PTPRT: variants seen among roughly 807,000 people sequenced by gnomAD.
The protein encoded by PTPRT is receptor-type tyrosine-protein phosphatase T.
PTPRT carries 56 observed loss-of-function variants against 176.8 expected under a neutral mutation model. That is an observed-to-expected ratio of 0.32 (90% CI 0.26 to 0.40). PTPRT has a LOEUF of 0.40. Among genes scored for constraint, PTPRT ranks in the 10% least tolerant of loss-of-function variants. The pLI is 1.00. For missense variants in PTPRT, 1,540 were observed against 1,908.2 expected (o/e 0.81, Z 3.60); for synonymous variants, 783 against 739.0 (o/e 1.06, Z -0.96).
At chr20:42,868,891 T>C (rs2145817341) in intron 2 of PTPRT, among the ~76,000 whole-genome samples, 1 of 152,252 alleles carries the variant, frequency 6.6e-6, no homozygotes, top group Middle Eastern at 3.4e-3. Context: ...AAGTCTCTGC[T>C]TACTGAATTC....
At chr20:43,180,369 C>CTCTCTCTCTT (rs1208040640) in intron 1 of PTPRT, among the ~76,000 whole-genome samples, 10 of 151,356 alleles carry the variant, frequency 6.6e-5, no homozygotes, top group Middle Eastern at 3.4e-3. Flanking sequence ...CTCTCTCTCT[C>CTCTCTCTCTT]TCTGCCCCCA....
At chr20:42,336,357 T>C (rs1266341630) in intron 11 of PTPRT, among the ~76,000 whole-genome samples, 3 of 152,118 alleles carry the variant, frequency 2.0e-5, no homozygotes, top group South Asian at 2.1e-4. Context: ...GCACATTATG[T>C]AGTGACATTG....
chr20:42,634,951 T>C (rs1035438654), intron 7 of PTPRT, among the ~76,000 whole-genome samples: 1 of 152,110 alleles, frequency 6.6e-6, no homozygotes, highest in Non-Finnish European at 1.5e-5. Flanking sequence ...TTCTTACTTA[T>C]CTTTGAATCC....
chr20:42,813,759 T>A (rs1464568302), intron 2 of PTPRT, among the ~76,000 whole-genome samples: 1 of 152,164 alleles, frequency 6.6e-6, no homozygotes, highest in Non-Finnish European at 1.5e-5. Flanking sequence ...TATTTGGTCA[T>A]TCTTAGATTA....
intron 15 of PTPRT, among the ~76,000 whole-genome samples, chr20:42,212,857 C>T (rs2055677901): frequency 6.6e-6 from 1 of 152,112 alleles, no homozygotes; most frequent in African/African-American, 2.4e-5. Flanking sequence ...GAAGTGGATG[C>T]CCTGGATAAT....
At chr20:42,479,353 C>A (rs1601100101) in intron 7 of PTPRT, among the ~76,000 whole-genome samples, 1 of 152,164 alleles carries the variant, frequency 6.6e-6, no homozygotes, top group Admixed American at 6.5e-5. Flanking sequence ...TTTGGAGATG[C>A]AATTTGAGTT....
intron 1 of PTPRT, among the ~76,000 whole-genome samples, chr20:43,051,544 ACT>A (rs1987040581): frequency 6.7e-6 from 1 of 148,222 alleles, no homozygotes; most frequent in African/African-American, 2.5e-5. Context: ...TCTATTTAAA[ACT>A]CTGCTCCAAT....
At chr20:42,772,621 G>C (rs1293010629) in intron 4 of PTPRT, among the ~76,000 whole-genome samples, 2 of 151,976 alleles carry the variant, frequency 1.3e-5, no homozygotes, top group East Asian at 1.9e-4. Flanking sequence ...TAGAAGAATT[G>C]GTTTCTTCAT....
chr20:42,914,253 T>C (rs1388217508), intron 1 of PTPRT, among the ~76,000 whole-genome samples: 1 of 152,206 alleles, frequency 6.6e-6, no homozygotes, highest in Admixed American at 6.5e-5. Flanking sequence ...GGGTGGTATC[T>C]TTTCCAGTTC....
At chr20:42,246,317 C>T (rs575526324) in intron 14 of PTPRT, among the ~76,000 whole-genome samples, 47 of 152,122 alleles carry the variant, frequency 3.1e-4, no homozygotes, top group South Asian at 8.3e-4. Flanking sequence ...CTCCTCCTAC[C>T]CTCCCCTCCC....
At chr20:42,786,913 T>C (rs2077299182) in intron 3 of PTPRT, among the ~76,000 whole-genome samples, 1 of 152,218 alleles carries the variant, frequency 6.6e-6, no homozygotes, top group South Asian at 2.1e-4. Flanking sequence ...TATGCAACTC[T>C]GGACATCATC....
the PTPRT span, chr20:42,063,639 C>A: frequency 3.3e-5 from 5 of 152,166 alleles, no homozygotes. Flanking sequence ...CCTCTAGTTG[C>A]ATATTCTTAA....
chr20:42,157,595 C>T (rs543639960), intron 17 of PTPRT, among the ~76,000 whole-genome samples: 1 of 152,152 alleles, frequency 6.6e-6, no homozygotes, highest in East Asian at 1.9e-4. Context: ...ATCCACCCAC[C>T]TCAGCCTTTC....
chr20:42,250,867 C>T (rs1015484660), intron 13 of PTPRT, among the ~76,000 whole-genome samples: 2 of 152,208 alleles, frequency 1.3e-5, no homozygotes, highest in Admixed American at 6.5e-5. Context: ...CTTTCACAAG[C>T]TAATGGCAAA....
At chr20:42,235,856 A>G (rs558157218) in intron 15 of PTPRT, among the ~76,000 whole-genome samples, 1 of 152,344 alleles carries the variant, frequency 6.6e-6, no homozygotes, top group South Asian at 2.1e-4. Flanking sequence ...AAGTAAAAAC[A>G]CATGGATTTA....
chr20:43,179,046 T>C (rs527614498), intron 1 of PTPRT, among the ~76,000 whole-genome samples: 1 of 152,276 alleles, frequency 6.6e-6, no homozygotes, highest in South Asian at 2.1e-4. Flanking sequence ...AATGAAACAA[T>C]TAAACTGTAA....
intron 1 of PTPRT, among the ~76,000 whole-genome samples, chr20:42,976,451 G>A (rs1012283954): frequency 6.6e-6 from 1 of 151,678 alleles, no homozygotes; most frequent in African/African-American, 2.4e-5. Flanking sequence ...TGTCGCCCAG[G>A]CTCAAGTGCA....
chr20:42,632,832 A>C (rs2074442273), intron 7 of PTPRT, among the ~76,000 whole-genome samples: 1 of 152,192 alleles, frequency 6.6e-6, no homozygotes, highest in East Asian at 1.9e-4. Flanking sequence ...GCTAGCACTT[A>C]AGAGCAGCCT....
chr20:42,755,066 G>A (rs908536598), intron 6 of PTPRT, among the ~76,000 whole-genome samples: 1 of 152,216 alleles, frequency 6.6e-6, no homozygotes, highest in Non-Finnish European at 1.5e-5. Context: ...CTATGTGGAA[G>A]AGGAGACCAG....
Sources: gnomAD v4.1 joint callset for allele counts (sites outside exome capture counted in the v4.1 genomes callset) on GRCh38, gnomAD v4.1.1 for gene constraint, MANE v1.5 for transcripts, NCBI Gene and HGNC (gene_info 2026-07-23, HGNC 2026-07-21) for gene names.